Variants in UBP1 observed in about 807,000 individuals in gnomAD.
UBP1 encodes upstream-binding protein 1.
UBP1 carries 22 observed loss-of-function variants against 76.1 expected under a neutral mutation model. The observed-to-expected ratio is 0.29, with a 90% CI of 0.21 to 0.41. The LOEUF (loss-of-function observed/expected upper bound fraction) is 0.41. Ranked by LOEUF, UBP1 falls within the 10% of genes least tolerant of loss-of-function variation. The pLI, the probability that UBP1 is intolerant of heterozygous loss-of-function variation, is 1.00. For synonymous variants in UBP1, 224 were observed against 237.1 expected (o/e 0.94, Z 0.51); for missense variants, 436 against 668.1 (o/e 0.65, Z 3.83).
intron 2 of UBP1, among the ~76,000 whole-genome samples, chr3:33,421,441 TTTG>T (rs1252175767): frequency 6.6e-6 from 1 of 152,082 alleles, no homozygotes; most frequent in African/African-American, 2.4e-5. Context: ...CTCAGCTACT[TTTG>T]TATTTTCAGT....
chr3:33,413,556 A>AC (rs2044649227), intron 3 of UBP1, among the ~76,000 whole-genome samples: 2 of 151,782 alleles, frequency 1.3e-5, no homozygotes, highest in Admixed American at 1.3e-4. Context: ...CAAAAAAAAA[A>AC]AAAAAAAAAC....
chr3:33,408,884 T>C (rs2044499299), intron 7 of UBP1, 87 bp from the exon 8 acceptor site: 3 of 1,168,712 alleles, frequency 2.6e-6, no homozygotes, highest in African/African-American at 1.5e-5. Context: ...TTCAGTCCAA[T>C]TAAACAAATG....
Position 33,440,015 on chromosome 3 carries a change from G to C in UBP1, c.-167C>G. ...GAGAGCTGCGGGGGCCCCACTGGCA[G>C]GGCACGACGAGCCCAGCGAGCAATT... On this transcript the variant is annotated 5_prime_UTR_variant, in exon 1 of 16. Transcript: ENST00000283629. The C allele has an allele frequency of 1.6e-6, 1 of 606,980 alleles. No homozygotes were observed. Among genetic ancestry groups the C allele is most frequent in the Non-Finnish European group, 2.7e-6 (1 of 376,202 alleles). 37.6% of individuals were successfully genotyped at this position (606,980 alleles called of 1,614,324 possible). A position where few individuals can be genotyped will look rare whatever the true frequency, so the allele number is the denominator to read the frequency against.
chr3:33,413,703 T>C (rs956602288), intron 3 of UBP1, among the ~76,000 whole-genome samples: 9 of 152,168 alleles, frequency 5.9e-5, no homozygotes, highest in African/African-American at 2.2e-4. Context: ...GCAATTTTTT[T>C]CTTTGAGATA....
At chr3:33,400,895 C>G in intron 10 of UBP1, 67 bp downstream of exon 10, 1 of 1,515,400 alleles carries the variant, frequency 6.6e-7, no homozygotes, top group Non-Finnish European at 8.9e-7. Flanking sequence ...TACATTTGCA[C>G]AAAAACCAAA....
intron 5 of UBP1, among the ~76,000 whole-genome samples, chr3:33,410,420 G>A (rs938930573): frequency 6.6e-6 from 1 of 152,188 alleles, no homozygotes; most frequent in African/African-American, 2.4e-5. Flanking sequence ...TTGCCTTATA[G>A]ACAAACACCA....
chr3:33,421,891 A>G (rs2044904601), intron 2 of UBP1, among the ~76,000 whole-genome samples: 2 of 152,108 alleles, frequency 1.3e-5, no homozygotes. Context: ...TAAGAATACA[A>G]AAATTAGCCA....
chr3:33,439,705 G>C (rs750708866), intron 1 of UBP1, 31 bp downstream of exon 1: 1 of 1,606,806 alleles, frequency 6.2e-7, no homozygotes. Flanking sequence ...CAAGGAGACA[G>C]AGGCTTCTCC....
chr3:33,395,430 T>A (rs566513841), intron 13 of UBP1, among the ~76,000 whole-genome samples: 18 of 152,152 alleles, frequency 1.2e-4, no homozygotes, highest in African/African-American at 4.3e-4. Context: ...TGAGAAAATA[T>A]ATGCCTTTTA....
Position 33,409,542 on chromosome 3 carries a change from G to C in UBP1, c.615C>G (p.Pro205=). ...PRKHGGEKGV[P]FRIQVDTFKQ... The stretch of plus-strand genomic sequence containing the variant: ...TAAAGGTGTCAACCTGGATCCTAAA[G>C]GGCACTCCCTTTTCACCTCCGTGCT... Residue 205 remains proline, a synonymous_variant, in exon 6 of 16, where the codon CCC becomes CCG. Coordinates refer to ENST00000283629, the MANE Select transcript of UBP1 (RefSeq NM_014517.5). 6.2e-7 allele frequency: 1 copy of C among 1,614,126 alleles called. No individual in the cohort carries two copies. Among genetic ancestry groups the C allele is most frequent in the Non-Finnish European group, 8.5e-7 (1 of 1,180,022 alleles).
Position 33,416,817 on chromosome 3 carries a change from G to A in UBP1, c.283C>T (p.Arg95Trp), listed in dbSNP as rs1255738153. The change falls in exon 3 of 16, where the codon CGG becomes TGG. Residue 95 changes from arginine (R) to tryptophan (W), a missense_variant. Arg to Trp is a moderately radical substitution (Grantham distance 101). This residue lies in a region of UBP1 where 161 missense variants were observed against 237.9 expected (regional missense o/e 0.68). Coordinates refer to ENST00000283629, the MANE Select transcript of UBP1 (RefSeq NM_014517.5). ...YLNQGQSYEI[R>W]MLDNRKMGDM... is the part of the protein sequence containing the mutation. ...CCCATTTTCCGATTATCCAGCATCC[G>A]AATTTCATATGACTGACCTATTTAA... 1 of 1,613,314 alleles carries A rather than the reference G, an allele frequency of 6.2e-7. No individual in the cohort carries two copies. The highest frequency in any genetic ancestry group is 1.7e-5 in the Admixed American group (1 of 59,988).
At chr3:33,423,010 G>A (rs1431993473) in intron 2 of UBP1, among the ~76,000 whole-genome samples, 1 of 150,588 alleles carries the variant, frequency 6.6e-6, no homozygotes, top group Non-Finnish European at 1.5e-5. Flanking sequence ...GTACATAAAA[G>A]TACAGTTCCT....
intron 13 of UBP1, among the ~76,000 whole-genome samples, chr3:33,395,616 G>A (rs902439867): frequency 6.6e-6 from 1 of 151,794 alleles, no homozygotes; most frequent in Admixed American, 6.6e-5. Context: ...GGCACCAGAC[G>A]CGCCACACAA....
chr3:33,403,094 G>A (rs1048203317), intron 8 of UBP1, 190 bp from the exon 9 acceptor site: 23 of 542,062 alleles, frequency 4.2e-5, no homozygotes, highest in Non-Finnish European at 6.3e-5. Context: ...TGCTGTGTGC[G>A]TCTAGACACT....
At chr3:33,399,933 C>A (rs561441476) in intron 11 of UBP1, among the ~76,000 whole-genome samples, 2 of 152,194 alleles carry the variant, frequency 1.3e-5, no homozygotes, top group Admixed American at 1.3e-4. Flanking sequence ...ACTATATACA[C>A]CTACACACAA....
chr3:33,400,124 T>A (rs1004597033), intron 11 of UBP1, 65 bp downstream of exon 11: 2 of 1,114,294 alleles, frequency 1.8e-6, no homozygotes, highest in Non-Finnish European at 2.4e-6. Flanking sequence ...AATATAAAGT[T>A]AATAAAAGCA....
chr3:33,438,312 C>A (rs1275085575), intron 1 of UBP1, among the ~76,000 whole-genome samples: 1 of 152,182 alleles, frequency 6.6e-6, no homozygotes, highest in Non-Finnish European at 1.5e-5. Context: ...AGAGAAGCAA[C>A]TGAGGAGAGA....
chr3:33,405,221 T>C (rs2044385602), intron 8 of UBP1, among the ~76,000 whole-genome samples: 1 of 152,108 alleles, frequency 6.6e-6, no homozygotes, highest in Admixed American at 6.5e-5. Flanking sequence ...GGCATAAAAC[T>C]ATGTCATATT....
chr3:33,427,413 A>G (rs1355143327), intron 1 of UBP1, among the ~76,000 whole-genome samples: 1 of 152,266 alleles, frequency 6.6e-6, no homozygotes, highest in Non-Finnish European at 1.5e-5. Flanking sequence ...TTCTATACTC[A>G]TTCTTCAATA....
Sources: gnomAD v4.1 joint callset for allele counts (sites outside exome capture counted in the v4.1 genomes callset) on GRCh38, gnomAD v4.1.1 for gene constraint, gnomAD v4.1.1 regional missense constraint, MANE v1.5 for transcripts, NCBI Gene and HGNC (gene_info 2026-07-23, HGNC 2026-07-21) for gene names.